Variants in COPB1 observed in about 807,000 individuals in gnomAD.
COPB1 encodes coatomer subunit beta.
A neutral mutation model predicts 108.7 loss-of-function variants in COPB1; 21 were observed. The observed-to-expected ratio is 0.19, with a 90% CI of 0.14 to 0.28. The LOEUF is 0.28. Among genes scored for constraint, COPB1 ranks in the 10% least tolerant of loss-of-function variants. The pLI is 1.00. For missense variants in COPB1, 919 were observed against 1,141.3 expected, an observed-to-expected ratio of 0.81 and a Z score of 2.81; for synonymous variants, 378 against 386.8, an observed-to-expected ratio of 0.98 and a Z score of 0.27.
chr11:14,483,693 C>T (rs1358950778), intron 7 of COPB1, among the ~76,000 whole-genome samples: 1 of 151,114 alleles, frequency 6.6e-6, no homozygotes, highest in Non-Finnish European at 1.5e-5. Flanking sequence ...CATACTGATA[C>T]AAAGAAAGAA....
At chr11:14,491,138 T>C (rs891186607) in intron 4 of COPB1, among the ~76,000 whole-genome samples, 8 of 151,486 alleles carry the variant, frequency 5.3e-5, no homozygotes, top group Non-Finnish European at 1.2e-4. Context: ...CTCCGCCTTC[T>C]AGGTCGAGTG....
chr11:14,479,204 G>A (rs1045971016), intron 11 of COPB1, among the ~76,000 whole-genome samples: 1 of 152,102 alleles, frequency 6.6e-6, no homozygotes, highest in African/African-American at 2.4e-5. Flanking sequence ...TCTCTGAAGG[G>A]AAAGACAGAT....
At chr11:14,486,555 C>A in intron 6 of COPB1, 51 bp from the exon 7 acceptor site, 1 of 1,596,980 alleles carries the variant, frequency 6.3e-7, no homozygotes, top group South Asian at 1.1e-5. Flanking sequence ...CGCTTGTTTT[C>A]AAATGGAGTT....
intron 11 of COPB1, among the ~76,000 whole-genome samples, chr11:14,477,832 G>A (rs547775046): frequency 1.3e-4 from 19 of 151,230 alleles, no homozygotes; most frequent in African/African-American, 3.2e-4. Context: ...GAGAGGCGGC[G>A]GTTGCAGTGA....
At chr11:14,492,765 A>G (rs952020225) in intron 4 of COPB1, among the ~76,000 whole-genome samples, 1 of 152,218 alleles carries the variant, frequency 6.6e-6, no homozygotes, top group South Asian at 2.1e-4. Flanking sequence ...TAAAAATTAC[A>G]TTGTAGTCCT....
intron 21 of COPB1, 45 bp from the exon 22 acceptor site, chr11:14,457,928 C>A (rs532426996): frequency 1.7e-6 from 2 of 1,171,910 alleles, no homozygotes; most frequent in Admixed American, 2.2e-5. Flanking sequence ...AAACTATGTA[C>A]AATCAGTAGG....
intron 2 of COPB1, 96 bp downstream of exon 2, chr11:14,498,742 T>A: frequency 1.0e-6 from 1 of 977,022 alleles, no homozygotes; most frequent in Non-Finnish European, 1.5e-6. Context: ...TAGACAAAAA[T>A]TAAGCATTTC....
rs2134122441 is a variant in COPB1, at chr11:14,488,423, G to C, written c.699+69C>G. ...TATTATCCTAGCAATAATTATCCCA[G>C]AAAGAAAGTATTTAACCCTGTCTTA... On this transcript the variant is annotated intron_variant, in intron 6 of 21. Transcript: ENST00000439561. The C allele has an allele frequency of 7.1e-6, 6 of 840,518 alleles. No individual in the cohort carries two copies. In the East Asian group the frequency reaches 1.6e-4, roughly 22 times the overall value. 52.1% of individuals were successfully genotyped at this position (840,518 alleles called of 1,614,324 possible). A position where few individuals can be genotyped will look rare whatever the true frequency, so the allele number is the denominator to read the frequency against.
intron 6 of COPB1, among the ~76,000 whole-genome samples, chr11:14,487,935 T>C (rs1025360255): frequency 6.6e-6 from 1 of 152,238 alleles, no homozygotes; most frequent in Non-Finnish European, 1.5e-5. Flanking sequence ...GTACCTTTTA[T>C]CAGAACATTA....
intron 15 of COPB1, among the ~76,000 whole-genome samples, chr11:14,469,111 C>T (rs1318116780): frequency 1.3e-5 from 2 of 152,174 alleles, no homozygotes; most frequent in Admixed American, 1.3e-4. Context: ...CCTTCATCCT[C>T]AGCCTTCCAA....
intron 6 of COPB1, among the ~76,000 whole-genome samples, chr11:14,488,282 T>C (rs1191812297): frequency 1.3e-5 from 2 of 152,184 alleles, no homozygotes; most frequent in Non-Finnish European, 2.9e-5. Context: ...AAAATCTTTA[T>C]GGAGGTTTAG....
chr11:14,472,923 A>G (rs1419144934), intron 14 of COPB1, among the ~76,000 whole-genome samples: 2 of 152,138 alleles, frequency 1.3e-5, no homozygotes, highest in Admixed American at 6.6e-5. Context: ...TTTATCTTCT[A>G]TCCAGACCAC....
chr11:14,467,885 A>G (rs888660345), intron 16 of COPB1, among the ~76,000 whole-genome samples: 2 of 152,130 alleles, frequency 1.3e-5, no homozygotes, highest in Admixed American at 6.6e-5. Context: ...GGGTAAGTAG[A>G]GGTTGAGGGG....
chr11:14,491,314 C>G (rs533810665), intron 4 of COPB1, among the ~76,000 whole-genome samples: 9 of 152,158 alleles, frequency 5.9e-5, no homozygotes, highest in Non-Finnish European at 1.2e-4. Flanking sequence ...TCCCAAAGTG[C>G]TGGGATTACA....
At chr11:14,478,572 A>G (rs1850581012) in intron 11 of COPB1, among the ~76,000 whole-genome samples, 1 of 151,660 alleles carries the variant, frequency 6.6e-6, no homozygotes, top group Non-Finnish European at 1.5e-5. Flanking sequence ...ACAAGGGATC[A>G]GTAAAAAAAT....
At position 14,468,766 on chromosome 11, in the gene COPB1, T is replaced by A. The variant is rs1196639746; in HGVS notation, c.2060A>T (p.Asp687Val). Residue 687 changes from aspartate (D) to valine (V), a missense_variant, in exon 16 of 22, where the codon GAT (aspartate) becomes GTT (valine). Asp to Val is a radical substitution (Grantham distance 152). Around this residue, in one of 5 missense-constraint regions of COPB1, gnomAD observed 705 missense variants for 817.8 expected, o/e 0.86. Coordinates refer to ENST00000439561, the MANE Select transcript of COPB1 (RefSeq NM_001144061.2). ...TAKNEMNCKE[D>V]QFQLSLLAAM... ...TGCCAGTAAACTCAGCTGAAACTGA[T>A]CTTCCTTGCAGTTCATTTCATTCTT... 1 of 1,614,198 alleles carries A rather than the reference T, an allele frequency of 6.2e-7. No individual in the cohort carries two copies.
At chr11:14,471,556 G>A (rs1248535593) in intron 14 of COPB1, among the ~76,000 whole-genome samples, 1 of 152,108 alleles carries the variant, frequency 6.6e-6, no homozygotes, top group African/African-American at 2.4e-5. Flanking sequence ...TCAATTAAGG[G>A]ATAATATACC....
chr11:14,486,540 A>T, intron 6 of COPB1, 36 bp from the exon 7 acceptor site: 1 of 1,604,098 alleles, frequency 6.2e-7, no homozygotes. Context: ...AACCGATTTC[A>T]GGAACGCTTG....
rs763586396 is a variant in COPB1, at chr11:14,472,142, A to T, written c.1737+2353T>A. Among the ~76,000 whole-genome samples, 91 of 152,182 alleles carry T rather than the reference A, an allele frequency of 6.0e-4. 3 individuals carry two copies. The highest frequency in any genetic ancestry group is 1.2e-3 in the Admixed American group (19 of 15,280). ...TAACCAACTCTGCGCTACTACCACA[A>T]ATGTTCTATGGATTCTGTTTCTTAA... On this transcript the variant is annotated intron_variant, in intron 14 of 21. Coordinates refer to ENST00000439561, the MANE Select transcript of COPB1 (RefSeq NM_001144061.2).
Sources: gnomAD v4.1 joint callset for allele counts (sites outside exome capture counted in the v4.1 genomes callset) on GRCh38, gnomAD v4.1.1 for gene constraint, gnomAD v4.1.1 regional missense constraint, MANE v1.5 for transcripts, NCBI Gene and HGNC (gene_info 2026-07-23, HGNC 2026-07-21) for gene names.